The following AGBL1 variants were observed in gnomAD, a reference collection of about 807,000 sequenced individuals.
The protein encoded by AGBL1 is cytosolic carboxypeptidase 4.
A neutral mutation model predicts 118.9 loss-of-function variants in AGBL1; 130 were observed. That is an observed-to-expected ratio of 1.09 (90% CI 0.95 to 1.26). AGBL1 has a LOEUF of 1.26. Ranked by LOEUF, AGBL1 falls within the 50% of genes most tolerant of loss-of-function variation. AGBL1 has a pLI of 0.00. For synonymous variants in AGBL1, 555 were observed against 478.9 expected, an observed-to-expected ratio of 1.16 and a Z score of -2.08; for missense variants, 1,584 against 1,298.1, an observed-to-expected ratio of 1.22 and a Z score of -3.38.
At chr15:86,554,813 C>T (rs903180004) in intron 21 of AGBL1, among the ~76,000 whole-genome samples, 1 of 152,170 alleles carries the variant, frequency 6.6e-6, no homozygotes, top group Non-Finnish European at 1.5e-5. Flanking sequence ...CATGCATCCC[C>T]AACTTTTACA....
chr15:86,308,824 C>T (rs2079878633), intron 17 of AGBL1, among the ~76,000 whole-genome samples: 1 of 152,114 alleles, frequency 6.6e-6, no homozygotes, highest in Non-Finnish European at 1.5e-5. Context: ...GTTACTACAG[C>T]TTTGTAGTAT....
intron 22 of AGBL1, among the ~76,000 whole-genome samples, chr15:86,823,479 C>T (rs2078968569): frequency 6.6e-6 from 1 of 152,120 alleles, no homozygotes; most frequent in Non-Finnish European, 1.5e-5. Flanking sequence ...GAGTCTTTCT[C>T]GTATCCTTCA....
At chr15:86,897,673 C>T (rs967595208) in intron 22 of AGBL1, among the ~76,000 whole-genome samples, 5 of 150,044 alleles carry the variant, frequency 3.3e-5, no homozygotes, top group African/African-American at 9.8e-5. Context: ...CACCCTAATT[C>T]TTGTTGCTTC....
intron 6 of AGBL1, among the ~76,000 whole-genome samples, chr15:86,228,272 A>G (rs538053261): frequency 6.6e-6 from 1 of 152,312 alleles, no homozygotes; most frequent in East Asian, 1.9e-4. Flanking sequence ...GTTTCTGTCT[A>G]AAATTCAAGA....
chr15:86,194,438 T>C (rs1212588506), intron 5 of AGBL1, among the ~76,000 whole-genome samples: 1 of 152,204 alleles, frequency 6.6e-6, no homozygotes, highest in Non-Finnish European at 1.5e-5. Context: ...CCACTATCCT[T>C]GCTAGATCAT....
intron 24 of AGBL1, among the ~76,000 whole-genome samples, chr15:86,998,664 C>A (rs2081402322): frequency 6.6e-6 from 1 of 152,116 alleles, no homozygotes; most frequent in Non-Finnish European, 1.5e-5. Context: ...GCTCAGTACT[C>A]AACAAGGGAA....
intron 22 of AGBL1, among the ~76,000 whole-genome samples, chr15:86,772,649 A>G (rs904282321): frequency 5.3e-5 from 8 of 152,018 alleles, no homozygotes; most frequent in Admixed American, 5.2e-4. Flanking sequence ...CCAAATAGGA[A>G]ATAAGGGGTC....
intron 23 of AGBL1, among the ~76,000 whole-genome samples, chr15:86,933,201 G>C (rs1166263796): frequency 6.6e-6 from 1 of 152,126 alleles, no homozygotes; most frequent in Non-Finnish European, 1.5e-5. Flanking sequence ...CATCCTGCTT[G>C]TAGCCTTACA....
At chr15:86,791,510 T>C (rs1173082891) in intron 22 of AGBL1, among the ~76,000 whole-genome samples, 1 of 152,020 alleles carries the variant, frequency 6.6e-6, no homozygotes. Context: ...TTTTTCAAGC[T>C]CAGTACTCCT....
At chr15:86,494,651 T>C (rs1465558662) in intron 18 of AGBL1, among the ~76,000 whole-genome samples, 1 of 152,128 alleles carries the variant, frequency 6.6e-6, no homozygotes, top group Admixed American at 6.5e-5. Context: ...TTATTTACTT[T>C]TGTTTAATCA....
intron 7 of AGBL1, among the ~76,000 whole-genome samples, chr15:86,250,921 C>G (rs747611266): frequency 1.3e-4 from 20 of 152,192 alleles, no homozygotes; most frequent in Non-Finnish European, 2.4e-4. Flanking sequence ...GCAAATTATG[C>G]TGCTGTTGCT....
intron 24 of AGBL1, among the ~76,000 whole-genome samples, chr15:87,004,301 C>CT (rs879488714): frequency 0.099 from 15,027 of 152,156 alleles, 1,320 homozygotes; most frequent in African/African-American, 0.23. Context: ...TAGACTCCCA[C>CT]ACAATTATAG....
intron 21 of AGBL1, among the ~76,000 whole-genome samples, chr15:86,566,362 C>T (rs1030217538): frequency 6.6e-6 from 1 of 152,138 alleles, no homozygotes; most frequent in Non-Finnish European, 1.5e-5. Context: ...TTTGGCTGTT[C>T]TATCCACTAT....
At chr15:86,924,901 C>G (rs1489889892) in intron 23 of AGBL1, among the ~76,000 whole-genome samples, 1 of 151,432 alleles carries the variant, frequency 6.6e-6, no homozygotes, top group Non-Finnish European at 1.5e-5. Flanking sequence ...TGGTGAAACC[C>G]CGTCTCTACT....
chr15:86,922,530 G>A (rs1174203518), intron 23 of AGBL1, among the ~76,000 whole-genome samples: 1 of 152,146 alleles, frequency 6.6e-6, no homozygotes, highest in African/African-American at 2.4e-5. Flanking sequence ...GACCTCAGGT[G>A]ATCCACCTGC....
intron 17 of AGBL1, among the ~76,000 whole-genome samples, chr15:86,344,582 T>C (rs1158913755): frequency 6.6e-6 from 1 of 151,868 alleles, no homozygotes; most frequent in African/African-American, 2.4e-5. Flanking sequence ...TTGATGGTCC[T>C]GGGTTGGATC....
intron 22 of AGBL1, among the ~76,000 whole-genome samples, chr15:86,736,192 C>A (rs1359989534): frequency 6.6e-6 from 1 of 152,094 alleles, no homozygotes; most frequent in Non-Finnish European, 1.5e-5. Context: ...ACCATCCTGT[C>A]CAATATGGTG....
intron 22 of AGBL1, among the ~76,000 whole-genome samples, chr15:86,884,566 C>G (rs911161266): frequency 2.6e-5 from 4 of 152,168 alleles, no homozygotes; most frequent in Non-Finnish European, 5.9e-5. Flanking sequence ...TAATACCAGC[C>G]TTTGGGAGGC....
chr15:86,433,215 C>T (rs2081957269), intron 18 of AGBL1, among the ~76,000 whole-genome samples: 1 of 142,144 alleles, frequency 7.0e-6, no homozygotes, highest in African/African-American at 2.7e-5. Flanking sequence ...CTTTCCTCCT[C>T]TTCTTCTTCT....
Sources: allele counts gnomAD v4.1 joint callset (sites outside exome capture counted in the v4.1 genomes callset), GRCh38; gene constraint gnomAD v4.1.1; transcripts MANE v1.5; gene names NCBI Gene and HGNC (gene_info 2026-07-23, HGNC 2026-07-21).